The following CTNND1 variants were observed in gnomAD, a reference collection of about 807,000 sequenced individuals.
CTNND1 encodes the protein catenin delta 1.
A neutral mutation model predicts 112.1 loss-of-function variants in CTNND1; 16 were observed. That is an observed-to-expected ratio of 0.14 (90% confidence interval 0.10 to 0.22). The LOEUF (loss-of-function observed/expected upper bound fraction) is 0.22, where lower values mean the gene tolerates loss of function less well. CTNND1 is among the 10% of genes least tolerant of loss of function. The pLI is 1.00. For missense variants in CTNND1, 1,008 were observed against 1,257.0 expected, an observed-to-expected ratio of 0.80 and a Z score of 3.00; for synonymous variants, 420 against 446.5, an observed-to-expected ratio of 0.94 and a Z score of 0.75.
At chr11:57,766,506 G>A (rs1951112324) in intron 1 of CTNND1, among the ~76,000 whole-genome samples, 1 of 152,184 alleles carries the variant, frequency 6.6e-6, no homozygotes, top group Non-Finnish European at 1.5e-5. Flanking sequence ...TAGGTAATAA[G>A]GATGTGAATA....
intron 1 of CTNND1, chr11:57,764,017 C>T (rs762667654): frequency 6.6e-6 from 1 of 152,152 alleles, no homozygotes; most frequent in Non-Finnish European, 1.5e-5. Flanking sequence ...TTGTCTTTTA[C>T]CTCACCTCCA....
chr11:57,791,126 T>C (rs2060693332), intron 2 of CTNND1, among the ~76,000 whole-genome samples: 1 of 152,138 alleles, frequency 6.6e-6, no homozygotes, highest in Non-Finnish European at 1.5e-5. Context: ...ACATTCTCCC[T>C]CTCCTAACAG....
chr11:57,781,191 C>T (rs184104679), intron 1 of CTNND1, among the ~76,000 whole-genome samples: 77 of 152,284 alleles, frequency 5.1e-4, no homozygotes, highest in African/African-American at 1.8e-3. Context: ...CCCGCCTCAG[C>T]CTCCCAAAGT....
At chr11:57,804,841 C>G in intron 9 of CTNND1, 61 bp downstream of exon 9, 1 of 1,235,976 alleles carries the variant, frequency 8.1e-7, no homozygotes, top group Non-Finnish European at 1.2e-6. Context: ...TATGAAGTAT[C>G]TGTAGGTCAG....
intron 7 of CTNND1, among the ~76,000 whole-genome samples, chr11:57,803,107 A>C (rs531987859): frequency 2.4e-4 from 37 of 152,156 alleles, no homozygotes; most frequent in Admixed American, 4.6e-4. Context: ...CATTGCTTAT[A>C]GTTTTGTTTG....
At chr11:57,766,421 G>A (rs1326981515) in intron 1 of CTNND1, among the ~76,000 whole-genome samples, 2 of 152,210 alleles carry the variant, frequency 1.3e-5, no homozygotes, top group Admixed American at 1.3e-4. Context: ...AAGCTTATGA[G>A]TTTAAGAACC....
Position 57,796,958 on chromosome 11 carries a change from A to AT in CTNND1, c.922_923insT (p.Thr308IlefsTer6). ...GTCTGATTATGGCACTGCCCGTCGG[A>AT]CTGGGACACCCTCTGACCCTCGTCG... On this transcript the variant is annotated frameshift_variant, in exon 6 of 21. Transcript: ENST00000399050. LOFTEE classifies it high-confidence loss of function. The AT allele has an allele frequency of 2.0e-6, 3 of 1,529,614 alleles. No homozygotes were observed. The highest frequency in any genetic ancestry group is 1.3e-5 in the South Asian group (1 of 79,126). 94.8% of individuals were successfully genotyped at this position (1,529,614 alleles called of 1,614,324 possible). A position where few individuals can be genotyped will look rare whatever the true frequency, so the allele number is the denominator to read the frequency against.
rs756912729 is a variant in CTNND1, at chr11:57,795,742, G to A, written c.420+13G>A. 53 of 1,578,758 alleles carry A rather than the reference G, an allele frequency of 3.4e-5. No individual in the cohort carries two copies. The highest frequency in any genetic ancestry group is 1.7e-4 in the Middle Eastern group (1 of 5,860). The stretch of plus-strand genomic sequence containing the variant: ...CACAGAGACCACGGTAAACTAAGAC[G>A]TGTGTAAGATCTGGAAGTGATAAGA... On this transcript the variant is annotated intron_variant, in intron 5 of 20. Transcript: ENST00000399050.
At chr11:57,786,316 G>T in intron 1 of CTNND1, among the ~76,000 whole-genome samples, 1 of 151,616 alleles carries the variant, frequency 6.6e-6, no homozygotes, top group African/African-American at 2.4e-5. Flanking sequence ...GGCGGATCAT[G>T]AGGTCAGGAG....
chr11:57,796,520 G>A lies in CTNND1; in HGVS notation c.484G>A (p.Gly162Arg), dbSNP rs547862516. 1.6e-5 allele frequency: 26 copies of A among 1,613,962 alleles called. No individual in the cohort carries two copies. In the African/African-American group the frequency reaches 2.0e-4, roughly 12 times the overall value. ...ACAGCCAGTCGCTATGGGACCAGAC[G>A]GGTTGCCTGTGGATGCTTCATCAGT... ...TVQPVAMGPD[G>R]LPVDASSVSN... Residue 162 changes from glycine (G) to arginine (R), a missense_variant, in exon 6 of 21, where the codon GGG becomes AGG. Physicochemically the swap from Gly to Arg is moderately radical, Grantham distance 125. Around this residue, in one of 5 missense-constraint regions of CTNND1, gnomAD observed 404 missense variants for 457.9 expected, o/e 0.88. Transcript: ENST00000399050.
chr11:57,812,804 A>G (rs1023964760), intron 17 of CTNND1, among the ~76,000 whole-genome samples: 1 of 152,164 alleles, frequency 6.6e-6, no homozygotes, highest in Non-Finnish European at 1.5e-5. Context: ...GCTCAGCCAC[A>G]CTAGCCACTT....
intron 1 of CTNND1, among the ~76,000 whole-genome samples, chr11:57,779,214 C>T (rs1308055436): frequency 6.6e-6 from 1 of 152,148 alleles, no homozygotes; most frequent in East Asian, 1.9e-4. Context: ...CCAATTGGCA[C>T]CCTACTGCAT....
intron 2 of CTNND1, 41 bp downstream of exon 2, chr11:57,789,196 C>A (rs1391940408): frequency 1.5e-6 from 2 of 1,309,694 alleles, no homozygotes; most frequent in Admixed American, 5.9e-5. Flanking sequence ...AAAAATCTTA[C>A]TTTTTAAGAA....
intron 1 of CTNND1, among the ~76,000 whole-genome samples, chr11:57,774,691 GTTTATTTATTTATTTATTTA>G: frequency 6.7e-6 from 1 of 148,190 alleles, no homozygotes; most frequent in South Asian, 2.2e-4. Context: ...GTCTATGAGG[GTTTATTTATTTATTTATTTA>G]TTTATTTATT....
At chr11:57,813,214 C>A (rs2063575725) in intron 17 of CTNND1, among the ~76,000 whole-genome samples, 1 of 152,062 alleles carries the variant, frequency 6.6e-6, no homozygotes, top group African/African-American at 2.4e-5. Context: ...GTCCCAATTA[C>A]TTTGGGAGGC....
chr11:57,779,280 T>C (rs2136257612), intron 1 of CTNND1, among the ~76,000 whole-genome samples: 1 of 152,330 alleles, frequency 6.6e-6, no homozygotes, highest in South Asian at 2.1e-4. Flanking sequence ...AATTCTCTAA[T>C]GTTTGATCAT....
At chr11:57,791,222 C>G (rs916037753) in intron 2 of CTNND1, among the ~76,000 whole-genome samples, 163 bp from the exon 3 acceptor site, 2 of 152,180 alleles carry the variant, frequency 1.3e-5, no homozygotes, top group Non-Finnish European at 2.9e-5. Context: ...CAAAGGATTC[C>G]GCTTGAACAG....
At chr11:57,806,227 TTGGTGGTGGTGGTGGTGGTGG>T (rs55957781) in intron 10 of CTNND1, among the ~76,000 whole-genome samples, 192 bp downstream of exon 10, 11 of 150,138 alleles carry the variant, frequency 7.3e-5, no homozygotes, top group African/African-American at 2.7e-4. Flanking sequence ...TTGTGATGTG[TTGGTGGTGGTGGTGGTGGTGG>T]TGGTGGTGGT....
Position 57,818,414 on chromosome 11 carries a change from GT to G in CTNND1, c.*2112del, listed in dbSNP as rs895830133. The G allele has an allele frequency of 6.6e-6, 1 of 152,354 alleles. No individual in the cohort carries two copies. Among genetic ancestry groups the G allele is most frequent in the Non-Finnish European group, 1.5e-5 (1 of 67,984 alleles). 9.4% of individuals were successfully genotyped at this position (152,354 alleles called of 1,614,324 possible). A position where few individuals can be genotyped will look rare whatever the true frequency, so the allele number is the denominator to read the frequency against. On this transcript the variant is annotated 3_prime_UTR_variant, in exon 21 of 21. Coordinates refer to ENST00000399050, the MANE Select transcript of CTNND1 (RefSeq NM_001085458.2). ...TGTTAATGCTTTTAAAAACAAATGA[GT>G]TTTTTATATAAATAAAGTTTTTAAA...
Sources: gnomAD v4.1 joint callset for allele counts (sites outside exome capture counted in the v4.1 genomes callset) on GRCh38, gnomAD v4.1.1 for gene constraint, gnomAD v4.1.1 regional missense constraint, MANE v1.5 for transcripts, NCBI Gene and HGNC (gene_info 2026-07-23, HGNC 2026-07-21) for gene names.